Variants in OSBPL1A observed in about 807,000 individuals in gnomAD.
OSBPL1A encodes oxysterol binding protein like 1A.
In OSBPL1A, 80 loss-of-function variants were observed where a neutral mutation model predicts 137.1. The ratio of observed to expected loss-of-function variants is 0.58; its 90% CI spans 0.49 to 0.70. The LOEUF is 0.70. Ranked by LOEUF, OSBPL1A falls within the 30% of genes least tolerant of loss-of-function variation. The pLI is 0.00. For missense variants in OSBPL1A, 970 were observed against 1,129.4 expected, an observed-to-expected ratio of 0.86 and a Z score of 2.02; for synonymous variants, 365 against 389.7, an observed-to-expected ratio of 0.94 and a Z score of 0.75.
chr18:24,163,615 T>G (rs1286381472), intron 27 of OSBPL1A, among the ~76,000 whole-genome samples: 1 of 150,666 alleles, frequency 6.6e-6, no homozygotes, highest in Non-Finnish European at 1.5e-5. Flanking sequence ...GGTCTTATTT[T>G]CCACAAGGCA....
intron 14 of OSBPL1A, among the ~76,000 whole-genome samples, chr18:24,283,441 C>G (rs1420104177): frequency 6.6e-6 from 1 of 151,516 alleles, no homozygotes; most frequent in African/African-American, 2.4e-5. Context: ...TTTAATAAAG[C>G]CCAACTAATT....
intron 15 of OSBPL1A, among the ~76,000 whole-genome samples, chr18:24,275,728 CTTT>C (rs11290304): frequency 7.0e-6 from 1 of 143,006 alleles, no homozygotes; most frequent in Non-Finnish European, 1.5e-5. Context: ...GTCCCACTCT[CTTT>C]TTTTTTTTTT....
intron 18 of OSBPL1A, among the ~76,000 whole-genome samples, chr18:24,193,525 C>T (rs2086948091): frequency 6.6e-6 from 1 of 151,374 alleles, no homozygotes; most frequent in African/African-American, 2.4e-5. Flanking sequence ...TTGTATTTCT[C>T]TCTCAAGACT....
chr18:24,230,570 T>C (rs1262149936), intron 16 of OSBPL1A, among the ~76,000 whole-genome samples: 1 of 152,190 alleles, frequency 6.6e-6, no homozygotes, highest in Non-Finnish European at 1.5e-5. Flanking sequence ...GGAAAACTGG[T>C]TGATTTTTCT....
intron 7 of OSBPL1A, among the ~76,000 whole-genome samples, chr18:24,319,683 A>C (rs1047884878): frequency 1.3e-5 from 2 of 152,002 alleles, no homozygotes; most frequent in East Asian, 1.9e-4. Flanking sequence ...AAAAGGTAAA[A>C]AAACAAACAA....
intron 17 of OSBPL1A, among the ~76,000 whole-genome samples, chr18:24,201,690 G>T (rs2087225004): frequency 6.6e-6 from 1 of 152,098 alleles, no homozygotes; most frequent in South Asian, 2.1e-4. Flanking sequence ...TTGAACCCAG[G>T]AGGCAGAGGT....
intron 4 of OSBPL1A, among the ~76,000 whole-genome samples, chr18:24,355,378 T>C (rs1320837871): frequency 1.3e-5 from 2 of 151,612 alleles, no homozygotes; most frequent in African/African-American, 2.4e-5. Flanking sequence ...GGCAGGCACC[T>C]GTAATCCCAG....
At chr18:24,175,107 T>TATATATATATATATATATATATAC (rs1491489795) in intron 21 of OSBPL1A, among the ~76,000 whole-genome samples, 1 of 23,186 alleles carries the variant, frequency 4.3e-5, no homozygotes, top group African/African-American at 1.1e-4. Context: ...GCCATGTGTA[T>TATATATATATATATATATATATAC]GTATATATAT....
chr18:24,170,440 A>C lies in OSBPL1A; in HGVS notation c.2305T>G (p.Cys769Gly). 1 of 1,614,120 alleles carries C rather than the reference A, an allele frequency of 6.2e-7. No individual in the cohort carries two copies. The highest frequency in any genetic ancestry group is 8.5e-7 in the Non-Finnish European group (1 of 1,180,026). The stretch of plus-strand genomic sequence containing the variant: ...TCAGTCCACTTCCCATAGAGGGCAC[A>C]GAGCTTCTTTTTGCTGTCAAGAAAA... The part of the protein sequence containing the change: ...YIQDKSKKKL[C>G]ALYGKWTECL... Residue 769 changes from cysteine to glycine, a missense_variant, in exon 24 of 28, where the codon TGT becomes GGT. This residue lies in a region of OSBPL1A where 323 missense variants were observed against 456.8 expected (regional missense o/e 0.71). Transcript: ENST00000319481.
intron 15 of OSBPL1A, among the ~76,000 whole-genome samples, chr18:24,266,676 TA>T (rs2089583093): frequency 6.6e-6 from 1 of 152,166 alleles, no homozygotes; most frequent in South Asian, 2.1e-4. Flanking sequence ...TTTTAAATGT[TA>T]GGGGGATAGT....
chr18:24,172,313 G>A, intron 22 of OSBPL1A, 63 bp downstream of exon 22: 2 of 1,168,556 alleles, frequency 1.7e-6, no homozygotes, highest in Admixed American at 1.9e-5. Flanking sequence ...CAAAAAAACT[G>A]ATGTCCACTA....
intron 14 of OSBPL1A, 36 bp downstream of exon 14, chr18:24,303,601 A>G (rs2090444032): frequency 1.3e-6 from 2 of 1,542,556 alleles, no homozygotes; most frequent in East Asian, 2.3e-5. Flanking sequence ...TCTATGTGTT[A>G]AAGAGTGATT....
chr18:24,230,409 T>C (rs55994301), intron 16 of OSBPL1A, among the ~76,000 whole-genome samples: 48,454 of 152,076 alleles, frequency 0.32, 8,445 homozygotes, highest in Middle Eastern at 0.42. Flanking sequence ...GTTGGAAAGT[T>C]TATGTTATGT....
At chr18:24,181,006 A>G in intron 19 of OSBPL1A, 139 bp downstream of exon 19, 2 of 1,003,310 alleles carry the variant, frequency 2.0e-6, no homozygotes, top group Non-Finnish European at 2.9e-6. Context: ...AGGACAGTCC[A>G]GACATGCGGA....
chr18:24,172,668 G>A (rs934605047), intron 21 of OSBPL1A, among the ~76,000 whole-genome samples, 185 bp from the exon 22 acceptor site: 4 of 152,006 alleles, frequency 2.6e-5, no homozygotes, highest in African/African-American at 9.7e-5. Flanking sequence ...GCCCATTCTT[G>A]TTTCTTAAAA....
At chr18:24,203,036 G>A (rs543050564) in intron 17 of OSBPL1A, among the ~76,000 whole-genome samples, 76 of 152,272 alleles carry the variant, frequency 5.0e-4, no homozygotes, top group Admixed American at 1.4e-3. Flanking sequence ...GCAATGCAAC[G>A]GCGCAATCTT....
chr18:24,222,731 AAAGTT>A (rs1479380979), intron 17 of OSBPL1A, among the ~76,000 whole-genome samples: 1 of 152,186 alleles, frequency 6.6e-6, no homozygotes, highest in Non-Finnish European at 1.5e-5. Context: ...TTTACAAGCA[AAAGTT>A]AAGCTGGGAT....
chr18:24,369,077 TA>T (rs1483970501), intron 2 of OSBPL1A, among the ~76,000 whole-genome samples: 5 of 152,180 alleles, frequency 3.3e-5, no homozygotes, highest in African/African-American at 1.2e-4. Context: ...CTTTTCTTCA[TA>T]AATTACTCAG....
At chr18:24,363,478 G>A (rs575855719) in intron 4 of OSBPL1A, among the ~76,000 whole-genome samples, 4 of 126,480 alleles carry the variant, frequency 3.2e-5, no homozygotes, top group Non-Finnish European at 4.7e-5. Context: ...ATAGAATCTC[G>A]CTGTGTTGTC....
Sources: gnomAD v4.1 joint callset for allele counts (sites outside exome capture counted in the v4.1 genomes callset) on GRCh38, gnomAD v4.1.1 for gene constraint, gnomAD v4.1.1 regional missense constraint, MANE v1.5 for transcripts, NCBI Gene and HGNC (gene_info 2026-07-23, HGNC 2026-07-21) for gene names.